BAZ2B: variants seen among roughly 807,000 people sequenced by gnomAD.
BAZ2B encodes the protein bromodomain adjacent to zinc finger domain protein 2B.
Under a neutral mutation model 246.0 loss-of-function variants are expected in BAZ2B, and 91 were observed. That is an observed-to-expected ratio of 0.37 (90% CI 0.31 to 0.44). The LOEUF is 0.44. BAZ2B is among the 20% of genes least tolerant of loss of function. The pLI is 1.00. For missense variants in BAZ2B, 2,332 were observed against 2,533.7 expected, an observed-to-expected ratio of 0.92 and a Z score of 1.71; for synonymous variants, 855 against 860.0, an observed-to-expected ratio of 0.99 and a Z score of 0.10.
the BAZ2B span, among the ~76,000 whole-genome samples, chr2:159,671,880 T>C: frequency 1.3e-5 from 2 of 152,150 alleles, no homozygotes; most frequent in African/African-American, 2.4e-5. Flanking sequence ...GTAATATTGT[T>C]CCACAACTCT....
At chr2:159,695,085 ATATT>A in the BAZ2B span, 3 of 152,288 alleles carry the variant, frequency 2.0e-5, no homozygotes, top group South Asian at 4.1e-4. Context: ...GGCTGAGCAT[ATATT>A]TATTGTCTAT....
chr2:159,655,365 C>T, the BAZ2B span, among the ~76,000 whole-genome samples: 1 of 152,224 alleles, frequency 6.6e-6, no homozygotes, highest in Non-Finnish European at 1.5e-5. Flanking sequence ...ACCTCCAGGA[C>T]TTTAAATATG....
chr2:159,374,666 A>T, intron 26 of BAZ2B, 25 bp downstream of exon 26: 11 of 1,586,512 alleles, frequency 6.9e-6, no homozygotes, highest in Non-Finnish European at 9.5e-6. Flanking sequence ...TGAAGAAGTT[A>T]AATGTTAATC....
the BAZ2B span, among the ~76,000 whole-genome samples, chr2:159,646,893 A>G: frequency 1.3e-5 from 2 of 152,170 alleles, no homozygotes; most frequent in Non-Finnish European, 2.9e-5. Context: ...GGCCTTTAAC[A>G]TACATATTTC....
rs1487457236 is a variant in BAZ2B, at chr2:159,446,942, G to A, written c.536C>T (p.Ser179Leu). 6.3e-7 allele frequency: 1 copy of A among 1,589,000 alleles called. No homozygotes were observed. Among genetic ancestry groups the A allele is most frequent in the South Asian group, 1.2e-5 (1 of 85,948 alleles). The part of the protein sequence containing the change: ...VNGSINGSNT[S>L]SVIGINTSVL... ...AGATGTGTTGATACCAATTACAGAT[G>A]ATGTATTACTTCCATTTATTGACCC... The change falls in exon 6 of 37, where the codon TCA becomes TTA. Residue 179 changes from serine to leucine, a missense_variant. Around this residue, in one of 9 missense-constraint regions of BAZ2B, gnomAD observed 242 missense variants for 237.4 expected, o/e 1.02. Transcript: ENST00000392783.
chr2:159,535,012 A>G lies in BAZ2B; in HGVS notation c.-3+20811T>C, dbSNP rs138513258. ...TCTAGAAACTTGTCTTATTTCTTCC[A>G]TTAAAATAAGTATGCCAATAATAAA... On this transcript the variant is annotated intron_variant, in intron 2 of 36. Transcript: ENST00000392783. Among the ~76,000 whole-genome samples, 140 of 152,344 alleles carry G rather than the reference A, an allele frequency of 9.2e-4. 1 individual carries two copies. The East Asian group carries it at 0.025, about 27-fold the overall frequency.
intron 21 of BAZ2B, 56 bp downstream of exon 21, chr2:159,389,289 G>T: frequency 6.7e-7 from 1 of 1,484,710 alleles, no homozygotes; most frequent in Non-Finnish European, 9.0e-7. Context: ...AATCAGGTAA[G>T]AAAACTGGAA....
At chr2:159,533,780 T>C (rs561522058) in intron 2 of BAZ2B, among the ~76,000 whole-genome samples, 11 of 152,210 alleles carry the variant, frequency 7.2e-5, no homozygotes, top group Admixed American at 2.0e-4. Context: ...ATATCCTTTA[T>C]GAGCAACTAA....
rs760522361 is a variant in BAZ2B, at chr2:159,412,448, C to T, written c.2564G>A (p.Arg855Gln). The change falls in exon 14 of 37, where the codon CGA (arginine) becomes CAA (glutamine). Residue 855 changes from arginine to glutamine, a missense_variant. This residue lies in a region of BAZ2B where 651 missense variants were observed against 650.9 expected (regional missense o/e 1.00). Coordinates refer to ENST00000392783, the MANE Select transcript of BAZ2B (RefSeq NM_013450.4). ...TCTCATCCTGGATTCCTCTCTTGCTCGTTGTCTATCTGGATTTGGTGGTCT... is the reference window on the plus strand; with the variant it reads ...TCTCATCCTGGATTCCTCTCTTGCTTGTTGTCTATCTGGATTTGGTGGTCT... Reference protein sequence around the residue: ...RGRPPNPDRQRAREESRMRRR... With the variant: ...RGRPPNPDRQQAREESRMRRR... 38 of 1,613,970 alleles carry T rather than the reference C, an allele frequency of 2.4e-5. No homozygotes were observed. The highest frequency in any genetic ancestry group is 3.0e-5 in the Non-Finnish European group (35 of 1,179,996).
chr2:159,608,789 C>G (rs897764690), intron 1 of BAZ2B, among the ~76,000 whole-genome samples: 1 of 152,234 alleles, frequency 6.6e-6, no homozygotes, highest in East Asian at 1.9e-4. Context: ...AAAAAAAGTA[C>G]AGCCTACTAT....
At chr2:159,447,568 T>G (rs961146153) in intron 5 of BAZ2B, among the ~76,000 whole-genome samples, 5 of 152,178 alleles carry the variant, frequency 3.3e-5, no homozygotes, top group African/African-American at 1.2e-4. Flanking sequence ...TTATTAATTT[T>G]AATGAAGTTA....
At chr2:159,602,585 C>T (rs774577921) in intron 1 of BAZ2B, among the ~76,000 whole-genome samples, 5 of 152,126 alleles carry the variant, frequency 3.3e-5, no homozygotes, top group Admixed American at 6.5e-5. Context: ...TGTACAACTA[C>T]ATTTCTCAAC....
chr2:159,655,173 G>A, the BAZ2B span, among the ~76,000 whole-genome samples: 1,368 of 152,264 alleles, frequency 9.0e-3, 9 homozygotes, highest in Admixed American at 0.014. Context: ...GCTGAGGCAG[G>A]TGAATTACCT....
chr2:159,411,493 T>A (rs1292070418), intron 14 of BAZ2B, among the ~76,000 whole-genome samples: 1 of 152,196 alleles, frequency 6.6e-6, no homozygotes, highest in East Asian at 1.9e-4. Context: ...AGTAAAATTC[T>A]GTTAGATTTT....
At chr2:159,426,159 C>T (rs891483796) in intron 13 of BAZ2B, among the ~76,000 whole-genome samples, 2 of 152,138 alleles carry the variant, frequency 1.3e-5, no homozygotes, top group Admixed American at 6.5e-5. Flanking sequence ...CTCAACAAGA[C>T]AGTATGCATT....
chr2:159,428,349 A>G lies in BAZ2B; in HGVS notation c.2326T>C (p.Cys776Arg). 1.2e-6 allele frequency: 2 copies of G among 1,613,282 alleles called. No individual in the cohort carries two copies. Among genetic ancestry groups the G allele is most frequent in the South Asian group, 1.1e-5 (1 of 91,000 alleles). The stretch of plus-strand genomic sequence containing the variant: ...GGGTACTGCCTAAGTTTCTTTCCAC[A>G]TGGAGCATAATATGCTACTTCTCCT... The part of the protein sequence containing the change: ...LQGEVAYYAP[C>R]GKKLRQYPEV... Residue 776 changes from cysteine (C) to arginine (R), a missense_variant, in exon 12 of 37, where the codon TGT becomes CGT. Coordinates refer to ENST00000392783, the MANE Select transcript of BAZ2B (RefSeq NM_013450.4).
At chr2:159,494,834 C>T (rs898986494) in intron 2 of BAZ2B, among the ~76,000 whole-genome samples, 5 of 152,152 alleles carry the variant, frequency 3.3e-5, no homozygotes, top group Admixed American at 3.3e-4. Flanking sequence ...GCATGCTAGG[C>T]GCTCAGGATA....
At chr2:159,431,746 T>C (rs1170428211) in intron 9 of BAZ2B, among the ~76,000 whole-genome samples, 1 of 152,194 alleles carries the variant, frequency 6.6e-6, no homozygotes, top group African/African-American at 2.4e-5. Context: ...TCTAGCTACG[T>C]AGTTCTATGT....
At chr2:159,417,963 A>G (rs893908886) in intron 13 of BAZ2B, among the ~76,000 whole-genome samples, 2 of 152,246 alleles carry the variant, frequency 1.3e-5, no homozygotes, top group African/African-American at 4.8e-5. Flanking sequence ...AGCTAGAAAG[A>G]GAGATGAATA....
Sources: allele counts gnomAD v4.1 joint callset (sites outside exome capture counted in the v4.1 genomes callset), GRCh38; gene constraint gnomAD v4.1.1; regional missense constraint gnomAD v4.1.1; transcripts MANE v1.5; gene names NCBI Gene and HGNC (gene_info 2026-07-23, HGNC 2026-07-21).